The following GDF1 variants were observed in gnomAD, a reference collection of about 807,000 sequenced individuals.
The protein encoded by GDF1 is growth differentiation factor 1.
A neutral mutation model predicts 7.4 loss-of-function variants in GDF1; 8 were observed. The observed-to-expected ratio is 1.09, with a 90% CI of 0.64 to 1.96. GDF1 has a LOEUF of 1.96. Ranked by LOEUF, GDF1 falls within the 30% of genes most tolerant of loss-of-function variation. GDF1 has a pLI of 0.00. For missense variants in GDF1, 574 were observed against 551.5 expected, an observed-to-expected ratio of 1.04 and a Z score of -0.41; for synonymous variants, 311 against 276.7, an observed-to-expected ratio of 1.12 and a Z score of -1.23.
chr19:18,891,438 C>T (rs1441175484), intron 2 of GDF1, among the ~76,000 whole-genome samples: 6 of 152,282 alleles, frequency 3.9e-5, no homozygotes, highest in Admixed American at 1.3e-4. Flanking sequence ...TGCCCAGTGG[C>T]GATGCCGGCC....
At chr19:18,869,851 GAAGTTGCTAGTA>G (rs2055932405) in intron 7 of GDF1, 120 bp downstream of exon 7, 3 of 851,700 alleles carry the variant, frequency 3.5e-6, no homozygotes, top group Non-Finnish European at 5.7e-6. Context: ...TGCGGTGGCC[GAAGTTGCTAGTA>G]GCCTGGACAG....
intron 7 of GDF1, 49 bp downstream of exon 7, chr19:18,869,934 G>C (rs1361188280): frequency 6.6e-7 from 1 of 1,524,894 alleles, no homozygotes; most frequent in South Asian, 1.2e-5. Flanking sequence ...GGCTCGCCCT[G>C]CGAGGTCTGG....
chr19:18,869,484 G>C (rs990276981), intron 7 of GDF1, 94 bp from the exon 8 acceptor site: 16 of 1,452,190 alleles, frequency 1.1e-5, no homozygotes, highest in Non-Finnish European at 1.4e-5. Context: ...GAACGCTGGG[G>C]CTCGGGGCGC....
intron 1 of GDF1, among the ~76,000 whole-genome samples, chr19:18,894,022 C>G (rs1054861260): frequency 6.6e-6 from 1 of 150,952 alleles, no homozygotes; most frequent in East Asian, 1.9e-4. Flanking sequence ...GTGAGGAAGC[C>G]GCCCCCTCAG....
intron 2 of GDF1, among the ~76,000 whole-genome samples, chr19:18,893,075 G>A (rs181650305): frequency 2.0e-5 from 3 of 151,144 alleles, no homozygotes; most frequent in Admixed American, 1.3e-4. Flanking sequence ...CACCACACCC[G>A]GCTAATTTTT....
Position 18,880,368 on chromosome 19 carries a change from T to C in GDF1, c.-665A>G. ...CGGGACTTGAAGTAAATGTTGAGCT[T>C]GGTGAACTCAAGCTGCACGTCACTG... On this transcript the variant is annotated 5_prime_UTR_variant, in exon 4 of 8. Coordinates refer to ENST00000247005, the MANE Select transcript of GDF1 (RefSeq NM_001492.6). 6.4e-7 allele frequency: 1 copy of C among 1,574,492 alleles called. No individual in the cohort carries two copies. The highest frequency in any genetic ancestry group is 1.2e-5 in the South Asian group (1 of 85,660).
chr19:18,877,335 T>A (rs1321189935), intron 6 of GDF1, among the ~76,000 whole-genome samples: 1 of 152,212 alleles, frequency 6.6e-6, no homozygotes, highest in African/African-American at 2.4e-5. Flanking sequence ...GTCCCCACCA[T>A]GAGCTCACTG....
intron 4 of GDF1, among the ~76,000 whole-genome samples, chr19:18,879,623 C>T (rs1443250838): frequency 2.0e-5 from 3 of 148,394 alleles, no homozygotes; most frequent in South Asian, 2.1e-4. Context: ...GCCTCACCCA[C>T]CTCGCCAAGG....
intron 2 of GDF1, among the ~76,000 whole-genome samples, chr19:18,888,889 C>CTT (rs756124590): frequency 0.013 from 1,538 of 122,876 alleles, 49 homozygotes; most frequent in African/African-American, 0.044. Context: ...TTCTTTCTTT[C>CTT]TTTTTTTTTT....
rs1468736634 is a variant in GDF1 at position 18,895,794 on chromosome 19, C to T, written c.-1074+30G>A. 2.5e-6 allele frequency: 3 copies of T among 1,183,576 alleles called. No homozygotes were observed. Among genetic ancestry groups the T allele is most frequent in the Non-Finnish European group, 3.2e-6 (3 of 941,910 alleles). The allele number at this position is 1,183,576 out of a possible 1,614,324, so 73.3% of individuals were successfully genotyped here. ...GTCCCGGCTTCCCCCAGTCCGGGGT[C>T]CCCTCGTCCCGGCCCCCGGCCACAC... On this transcript the variant is annotated intron_variant, in intron 1 of 7. Coordinates refer to ENST00000247005, the MANE Select transcript of GDF1 (RefSeq NM_001492.6). The surrounding 1 kb of genome is among the most constrained non-coding windows in gnomAD (Gnocchi z 6.4).
rs1441180668 is a variant in GDF1 at position 18,871,946 on chromosome 19, C to T, written c.-312-1327G>A. Among the ~76,000 whole-genome samples, 6 of 152,324 alleles carry T rather than the reference C, an allele frequency of 3.9e-5. No individual in the cohort carries two copies. The East Asian group carries it at 5.8e-4, about 15-fold the overall frequency. ...GACTCCAGGGATTCCATTTCTGCAT[C>T]GACACCTTTGGTATAAGGTGGGGGT... On this transcript the variant is annotated intron_variant, in intron 6 of 7. Transcript: ENST00000247005.
chr19:18,873,594 T>C lies in GDF1; in HGVS notation c.-312-2975A>G, dbSNP rs138036481. Among the ~76,000 whole-genome samples the C allele has an allele frequency of 3.8e-3, 577 of 151,864 alleles. 1 individual carries two copies. The highest frequency in any genetic ancestry group is 6.4e-3 in the Non-Finnish European group (434 of 67,888). ...GGCTGATACCTGTAATCCTAGCACT[T>C]TGGGAGGCCAAGATGGGTGGATCAC... On this transcript the variant is annotated intron_variant, in intron 6 of 7. Transcript: ENST00000247005.
At chr19:18,884,031 C>T (rs1423164341) in intron 3 of GDF1, 56 bp downstream of exon 3, 10 of 1,562,830 alleles carry the variant, frequency 6.4e-6, no homozygotes, top group Non-Finnish European at 8.7e-6. Flanking sequence ...CAACATCAGC[C>T]TCCGCACTCT....
chr19:18,892,194 G>A (rs1162783685), intron 2 of GDF1, among the ~76,000 whole-genome samples: 1 of 151,820 alleles, frequency 6.6e-6, no homozygotes, highest in Non-Finnish European at 1.5e-5. Context: ...CATCGCACCA[G>A]GCTTCATCAT....
intron 6 of GDF1, among the ~76,000 whole-genome samples, chr19:18,871,094 CTTT>C (rs760333836): frequency 1.4e-5 from 2 of 145,098 alleles, no homozygotes; most frequent in Admixed American, 6.9e-5. Context: ...TTTTATTTTC[CTTT>C]TTTTTTTTTG....
In GDF1 at chr19:18,868,738, C is replaced by T; in HGVS notation, c.978G>A (p.Ala326=). 6.5e-7 allele frequency: 1 copy of T among 1,530,786 alleles called. No homozygotes were observed. The highest frequency in any genetic ancestry group is 8.8e-7 in the Non-Finnish European group (1 of 1,135,066). The allele number at this position is 1,530,786 out of a possible 1,614,324, so 94.8% of individuals were successfully genotyped here. ...NHAVLRALMH[A]AAPGAADLPC... ...GCAGGTCGGCGGCTCCCGGGGCGGCCGCGTGCATGAGCGCGCGCAGCACAG... is the reference window on the plus strand; with the variant it reads ...GCAGGTCGGCGGCTCCCGGGGCGGCTGCGTGCATGAGCGCGCGCAGCACAG... The change falls in exon 8 of 8, where the codon GCG becomes GCA. Residue 326 remains alanine, a synonymous_variant. Coordinates refer to ENST00000247005, the MANE Select transcript of GDF1 (RefSeq NM_001492.6).
intron 6 of GDF1, among the ~76,000 whole-genome samples, chr19:18,873,930 C>T (rs73526929): frequency 0.014 from 2,114 of 151,316 alleles, 43 homozygotes; most frequent in African/African-American, 0.049. Flanking sequence ...GAGTGGTCTT[C>T]GGGATGGGGG....
chr19:18,879,795 T>C (rs993463268), intron 4 of GDF1, among the ~76,000 whole-genome samples: 1 of 128,126 alleles, frequency 7.8e-6, no homozygotes, highest in East Asian at 2.8e-4. Context: ...TCCCCTTCTC[T>C]GCCAGGCCCC....
intron 4 of GDF1, 128 bp from the exon 5 acceptor site, chr19:18,879,516 TC>T: frequency 8.8e-7 from 1 of 1,131,510 alleles, no homozygotes; most frequent in African/African-American, 1.6e-5. Flanking sequence ...CCCACCTGTT[TC>T]TACTACTGCT....
Sources: allele counts gnomAD v4.1 joint callset (sites outside exome capture counted in the v4.1 genomes callset), GRCh38; gene constraint gnomAD v4.1.1; non-coding constraint Gnocchi (gnomAD v3.1); transcripts MANE v1.5; gene names NCBI Gene and HGNC (gene_info 2026-07-23, HGNC 2026-07-21).